XKR4: variants seen among roughly 807,000 people sequenced by gnomAD.
XKR4 encodes the protein XK-related protein 4.
A neutral mutation model predicts 53.9 loss-of-function variants in XKR4; 12 were observed. The ratio of observed to expected loss-of-function variants is 0.22; its 90% confidence interval spans 0.14 to 0.36. The LOEUF is 0.36. XKR4 is among the 10% of genes least tolerant of loss of function. XKR4 has a pLI of 1.00. For synonymous variants in XKR4, 354 were observed against 362.4 expected, an observed-to-expected ratio of 0.98 and a Z score of 0.26; for missense variants, 799 against 859.5, an observed-to-expected ratio of 0.93 and a Z score of 0.88.
intron 2 of XKR4, among the ~76,000 whole-genome samples, chr8:55,502,582 G>C (rs1293287977): frequency 6.7e-6 from 1 of 148,836 alleles, no homozygotes; most frequent in Non-Finnish European, 1.5e-5. Flanking sequence ...TGAATTTTGG[G>C]GTGGGGAGGT....
intron 2 of XKR4, among the ~76,000 whole-genome samples, chr8:55,384,704 G>A (rs1048540875): frequency 1.3e-5 from 2 of 152,206 alleles, no homozygotes; most frequent in Non-Finnish European, 2.9e-5. Flanking sequence ...CAGGGAATTA[G>A]GAATAATGAT....
intron 2 of XKR4, among the ~76,000 whole-genome samples, chr8:55,430,159 A>C (rs1450562083): frequency 6.6e-6 from 1 of 152,234 alleles, no homozygotes; most frequent in Non-Finnish European, 1.5e-5. Flanking sequence ...GTGAGGATGC[A>C]GAGAAAATGA....
chr8:55,152,170 G>A lies in XKR4; in HGVS notation c.806+48876G>A, dbSNP rs180964017. 3.8e-3 allele frequency among the ~76,000 whole-genome samples: 582 copies of A among 152,230 alleles called. 5 individuals are homozygous for A. The highest frequency in any genetic ancestry group is 5.4e-3 in the Non-Finnish European group (369 of 67,988). ...ACCTAGAAAACTTCCAAAGAAAAGG[G>A]AATATTAGCAAAATAAGGTGCTTCT... On this transcript the variant is annotated intron_variant, in intron 1 of 2. Coordinates refer to ENST00000327381, the MANE Select transcript of XKR4 (RefSeq NM_052898.2).
intron 1 of XKR4, among the ~76,000 whole-genome samples, chr8:55,184,428 G>C (rs1817351288): frequency 6.6e-6 from 1 of 152,164 alleles, no homozygotes. Context: ...AGCGCAACTT[G>C]TGCTTTTTGC....
chr8:55,325,047 C>G (rs1277780932), intron 1 of XKR4, among the ~76,000 whole-genome samples: 1 of 152,080 alleles, frequency 6.6e-6, no homozygotes, highest in African/African-American at 2.4e-5. Flanking sequence ...TTTTACATAC[C>G]TTTCAAAAGA....
At chr8:55,392,824 G>A (rs533022460) in intron 2 of XKR4, among the ~76,000 whole-genome samples, 25 of 152,152 alleles carry the variant, frequency 1.6e-4, no homozygotes, top group African/African-American at 6.0e-4. Flanking sequence ...AATAAACAAG[G>A]AAAAGTTCAA....
chr8:55,523,747 G>C lies in XKR4; in HGVS notation c.1473G>C (p.Ala491=), dbSNP rs774078954. The stretch of plus-strand genomic sequence containing the variant: ...TTGCAGACGCATTTGCCATTCCAGC[G>C]CTGTGTGTGGTGTTCAGCAGCTTTT... ...PQIADAFAIP[A]LCVVFSSFLT... is the part of the protein sequence containing the mutation. Residue 491 remains alanine (A), a synonymous_variant, in exon 3 of 3, where the codon GCG becomes GCC. Coordinates refer to ENST00000327381, the MANE Select transcript of XKR4 (RefSeq NM_052898.2). 6.2e-7 allele frequency: 1 copy of C among 1,614,148 alleles called. No individual in the cohort carries two copies.
At chr8:55,190,538 G>A (rs1407504222) in intron 1 of XKR4, among the ~76,000 whole-genome samples, 1 of 152,200 alleles carries the variant, frequency 6.6e-6, no homozygotes, top group Non-Finnish European at 1.5e-5. Context: ...GAATCAGACT[G>A]CCTGAGAGAT....
chr8:55,467,701 A>G (rs1283318621), intron 2 of XKR4, among the ~76,000 whole-genome samples: 1 of 152,164 alleles, frequency 6.6e-6, no homozygotes, highest in African/African-American at 2.4e-5. Flanking sequence ...GCTTGGAACC[A>G]CTGGGCAAAG....
chr8:55,385,753 A>G (rs1472422584), intron 2 of XKR4, among the ~76,000 whole-genome samples: 1 of 152,220 alleles, frequency 6.6e-6, no homozygotes, highest in Non-Finnish European at 1.5e-5. Context: ...TAGAAAGTAC[A>G]TAGCACATTA....
At chr8:55,335,528 G>A (rs1803447442) in intron 1 of XKR4, among the ~76,000 whole-genome samples, 1 of 152,158 alleles carries the variant, frequency 6.6e-6, no homozygotes. Context: ...ATGTCTTAGA[G>A]TGTGATGCAT....
At chr8:55,162,295 T>A (rs1647260235) in intron 1 of XKR4, among the ~76,000 whole-genome samples, 1 of 152,194 alleles carries the variant, frequency 6.6e-6, no homozygotes, top group Non-Finnish European at 1.5e-5. Context: ...GTCCTTGACA[T>A]CCAGCACTGT....
At chr8:55,274,875 G>A (rs1440965231) in intron 1 of XKR4, among the ~76,000 whole-genome samples, 7 of 152,098 alleles carry the variant, frequency 4.6e-5, no homozygotes, top group African/African-American at 4.8e-5. Context: ...GAAGTGGGGC[G>A]GATAGGCAAC....
chr8:55,532,915 A>T lies in XKR4; in HGVS notation c.*8688A>T, dbSNP rs1176649998. 6.6e-6 allele frequency: 1 copy of T among 152,200 alleles called. No individual in the cohort carries two copies. Among genetic ancestry groups the T allele is most frequent in the African/African-American group, 2.4e-5 (1 of 41,454 alleles). 9.4% of individuals were successfully genotyped at this position (152,200 alleles called of 1,614,324 possible). A position where few individuals can be genotyped will look rare whatever the true frequency, so the allele number is the denominator to read the frequency against. ...CCTCTCCATTGCTTAATTTATATTA[A>T]AACAGATTTAATCAAATTATTACTT... On this transcript the variant is annotated 3_prime_UTR_variant, in exon 3 of 3. Transcript: ENST00000327381.
intron 1 of XKR4, among the ~76,000 whole-genome samples, chr8:55,265,988 T>A (rs1389752355): frequency 1.3e-5 from 2 of 150,036 alleles, no homozygotes; most frequent in Non-Finnish European, 3.0e-5. Flanking sequence ...TCTCAAAAAA[T>A]AAATAAATAT....
At chr8:55,428,034 C>G (rs180816595) in intron 2 of XKR4, among the ~76,000 whole-genome samples, 9 of 152,212 alleles carry the variant, frequency 5.9e-5, no homozygotes, top group Middle Eastern at 6.8e-3. Context: ...TGTTATATAA[C>G]TTTTTTCAGT....
intron 1 of XKR4, among the ~76,000 whole-genome samples, chr8:55,165,718 T>A (rs1653436221): frequency 6.8e-6 from 1 of 147,800 alleles, no homozygotes; most frequent in South Asian, 2.1e-4. Context: ...GGGAGGAGAA[T>A]GGTGTGAATC....
intron 1 of XKR4, among the ~76,000 whole-genome samples, chr8:55,327,246 T>A (rs1303752069): frequency 6.6e-6 from 1 of 152,194 alleles, no homozygotes; most frequent in African/African-American, 2.4e-5. Flanking sequence ...AAGTGACCTT[T>A]TAAAGTCAGG....
intron 1 of XKR4, among the ~76,000 whole-genome samples, chr8:55,144,303 C>T (rs1429291009): frequency 6.6e-6 from 1 of 151,766 alleles, no homozygotes; most frequent in Admixed American, 6.6e-5. Flanking sequence ...TCATTGAAAC[C>T]CAGGGATGTC....
Sources: gnomAD v4.1 joint callset for allele counts (sites outside exome capture counted in the v4.1 genomes callset) on GRCh38, gnomAD v4.1.1 for gene constraint, MANE v1.5 for transcripts, NCBI Gene and HGNC (gene_info 2026-07-23, HGNC 2026-07-21) for gene names.